The following TTN variants were observed in gnomAD, a reference collection of about 807,000 sequenced individuals.
TTN encodes titin.
TTN carries 1,525 observed loss-of-function variants against 3,223.0 expected under a neutral mutation model. That is an observed-to-expected ratio of 0.47 (90% CI 0.45 to 0.49). TTN has a LOEUF of 0.49. Among genes scored for constraint, TTN ranks in the 20% least tolerant of loss-of-function variants. TTN has a pLI of 0.00. For synonymous variants in TTN, 14,094 were observed against 15,161.0 expected, an observed-to-expected ratio of 0.93 and a Z score of 5.17; for missense variants, 40,786 against 43,424.0, an observed-to-expected ratio of 0.94 and a Z score of 5.40.
At chr2:178,629,231 G>T in intron 240 of TTN, 70 bp downstream of exon 240, 1 of 1,554,248 alleles carries the variant, frequency 6.4e-7, no homozygotes, top group South Asian at 1.2e-5. Context: ...CAAAGAATAA[G>T]GAACATACAA....
At chr2:178,685,923 T>A (rs1289795979) in intron 127 of TTN, among the ~76,000 whole-genome samples, 2 of 152,014 alleles carry the variant, frequency 1.3e-5, no homozygotes, top group Non-Finnish European at 2.9e-5. Flanking sequence ...ACAGAAGAAT[T>A]TGAAGATGAG....
chr2:178,559,146 C>T (rs1446861409), intron 326 of TTN, among the ~76,000 whole-genome samples, 165 bp downstream of exon 326: 2 of 151,974 alleles, frequency 1.3e-5, no homozygotes, highest in East Asian at 3.9e-4. Context: ...CAATGAAAGA[C>T]TCTTCACTAG....
intron 147 of TTN, among the ~76,000 whole-genome samples, chr2:178,676,299 T>C (rs895572183): frequency 6.6e-6 from 1 of 151,938 alleles, no homozygotes; most frequent in Admixed American, 6.6e-5. Flanking sequence ...TTCATACATT[T>C]AAATTTCACT....
At chr2:178,617,299 T>G (rs1576500581) in intron 254 of TTN, 26 bp downstream of exon 254, 1 of 1,545,826 alleles carries the variant, frequency 6.5e-7, no homozygotes, top group Non-Finnish European at 8.7e-7. Flanking sequence ...ACATTGAATA[T>G]TCTTTTTTAT....
chr2:178,608,441 T>C lies in TTN; in HGVS notation c.52442A>G (p.Asp17481Gly), dbSNP rs773362408. ...CACTAGCATACTGTTGCTGGTAACATCTTCCACAATGGGCTTATCTGGTGC... is the reference window on the plus strand; with the variant it reads ...CACTAGCATACTGTTGCTGGTAACACCTTCCACAATGGGCTTATCTGGTGC... ...PDAPDKPIVE[D>G]VTSNSMLVKW... Residue 17481 changes from aspartate to glycine, a missense_variant, in exon 275 of 363, where the codon GAT becomes GGT. By Grantham distance (94) the Asp-to-Gly change is moderately conservative. Coordinates refer to ENST00000589042, the MANE Select transcript of TTN (RefSeq NM_001267550.2). 5 of 1,607,184 alleles carry C rather than the reference T, an allele frequency of 3.1e-6. No homozygotes were observed. The South Asian group carries it at 5.6e-5, about 18-fold the overall frequency.
At chr2:178,792,236 T>A (rs72647855) in intron 9 of TTN, 39 bp from the exon 10 acceptor site, 2 of 1,578,154 alleles carry the variant, frequency 1.3e-6, no homozygotes, top group South Asian at 1.2e-5. Context: ...TATTTCCTGA[T>A]GCCCAATGAA....
rs765530283 is a variant in TTN, at chr2:178,734,436, C to T, written c.15388G>A (p.Val5130Met). 9 of 1,613,640 alleles carry T rather than the reference C, an allele frequency of 5.6e-6. No homozygotes were observed. The Admixed American group carries it at 6.7e-5, about 12-fold the overall frequency. Residue 5130 changes from valine to methionine, a missense_variant, in exon 52 of 363, where the codon GTG (valine) becomes ATG (methionine). Physicochemically the swap from Val to Met is conservative, Grantham distance 21. Transcript: ENST00000589042. ...TTAAACGAAAAGATCTCCAGACACA[C>T]AAGAGACTTCTGAGAAAACAATCTG... ...KYRLFSQKSL[V>M]CLEIFSFNSA... is the part of the protein sequence containing the mutation.
Position 178,553,154 on chromosome 2 carries a change from T to C in TTN, c.89746A>G (p.Asn29916Asp), listed in dbSNP as rs1308602245. The C allele has an allele frequency of 6.2e-7, 1 of 1,613,328 alleles. No homozygotes were observed. The highest frequency in any genetic ancestry group is 1.7e-5 in the Admixed American group (1 of 60,016). ...GAAGACTTAGGTTCACCAACTCCAT[T>C]TTCTATTGTGAGAATATATTTTCCT... ...DTGKYILTIE[N>D]GVGEPKSSTV... Residue 29916 changes from asparagine (N) to aspartate (D), a missense_variant, in exon 335 of 363, where the codon AAT becomes GAT. Transcript: ENST00000589042.
intron 356 of TTN, 112 bp from the exon 357 acceptor site, chr2:178,536,687 T>A: frequency 1.0e-6 from 1 of 988,662 alleles, no homozygotes; most frequent in Non-Finnish European, 1.4e-6. Context: ...AAAAAATAGC[T>A]ATTCCAGAAA....
chr2:178,534,651 C>T lies in TTN; in HGVS notation c.101964G>A (p.Gln33988=). Residue 33988 remains glutamine (Q), a synonymous_variant, in exon 358 of 363, where the codon CAG becomes CAA. Transcript: ENST00000589042. Reference sequence around the variant, plus strand: ...CTGTGGCTGTGCTGACAACATCATGCTGGTGGACTTCAGGTGCATAGTATT... The same window carrying T: ...CTGTGGCTGTGCTGACAACATCATGTTGGTGGACTTCAGGTGCATAGTATT... ...APEYYAPEVH[Q]HDVVSTATDM... 6.2e-7 allele frequency: 1 copy of T among 1,613,606 alleles called. No homozygotes were observed. Among genetic ancestry groups the T allele is most frequent in the Non-Finnish European group, 8.5e-7 (1 of 1,179,578 alleles).
At chr2:178,635,857 C>T in intron 226 of TTN, 106 bp downstream of exon 226, 1 of 1,515,924 alleles carries the variant, frequency 6.6e-7, no homozygotes, top group South Asian at 1.3e-5. Flanking sequence ...TTATTCCCCT[C>T]TTAGGTACAA....
intron 158 of TTN, 68 bp from the exon 159 acceptor site, chr2:178,669,515 T>C (rs1560235389): frequency 6.3e-7 from 1 of 1,589,372 alleles, no homozygotes. Context: ...AAGGATTTAA[T>C]GTCACACACA....
chr2:178,764,782 G>C lies in TTN; in HGVS notation c.9733C>G (p.Leu3245Val), dbSNP rs752456528. The C allele has an allele frequency of 1.2e-6, 2 of 1,613,530 alleles. No homozygotes were observed. Among genetic ancestry groups the C allele is most frequent in the Non-Finnish European group, 1.7e-6 (2 of 1,179,912 alleles). Residue 3245 changes from leucine to valine, a missense_variant, in exon 42 of 363, where the codon CTC becomes GTC. Leu to Val is a conservative substitution (Grantham distance 32, BLOSUM62 1). Coordinates refer to ENST00000589042, the MANE Select transcript of TTN (RefSeq NM_001267550.2). Reference sequence around the variant, plus strand: ...CCAGACTGCACAGTGACAGGCTGGAGCTCCTGCAGAACTTGGGGCGGTTCA... The same window carrying C: ...CCAGACTGCACAGTGACAGGCTGGACCTCCTGCAGAACTTGGGGCGGTTCA... ...APEPPQVLQE[L>V]QPVTVQSGKP...
chr2:178,577,826 T>A lies in TTN; in HGVS notation c.68600A>T (p.Tyr22867Phe), dbSNP rs1397080164. 1 of 1,611,408 alleles carries A rather than the reference T, an allele frequency of 6.2e-7. No individual in the cohort carries two copies. The highest frequency in any genetic ancestry group is 1.3e-5 in the African/African-American group (1 of 74,962). Residue 22867 changes from tyrosine (Y) to phenylalanine (F), a missense_variant, in exon 323 of 363, where the codon TAT (tyrosine) becomes TTT (phenylalanine). By Grantham distance (22) the Tyr-to-Phe change is conservative (BLOSUM62 3). Transcript: ENST00000589042. ...TCCAGTTAACTTATGACCACCGTCA[T>A]ATTTAGGTTCAGTCCAAATGAGAGT... ...SVTLIWTEPK[Y>F]DGGHKLTGYI...
At position 178,584,477 on chromosome 2, in the gene TTN, T is replaced by C. The variant is rs758476009; in HGVS notation, c.65074A>G (p.Ile21692Val). 1.1e-4 allele frequency: 171 copies of C among 1,613,144 alleles called. 1 individual carries two copies. The highest frequency in any genetic ancestry group is 9.8e-5 in the Non-Finnish European group (116 of 1,179,534). ...RPDSDGGSPI[I>V]GYLIERKERN... ...TCCTTGCGTTCAATCAGATAACCAA[T>C]AATGGGGCTCCCTCCATCACTATCT... Residue 21692 changes from isoleucine to valine, a missense_variant, in exon 311 of 363, where the codon ATT becomes GTT. Ile to Val is a conservative substitution (Grantham distance 29). Coordinates refer to ENST00000589042, the MANE Select transcript of TTN (RefSeq NM_001267550.2).
intron 321 of TTN, 148 bp downstream of exon 321, chr2:178,578,463 A>C: frequency 1.6e-6 from 1 of 616,794 alleles, no homozygotes; most frequent in Non-Finnish European, 2.8e-6. Flanking sequence ...TTTCAATAAA[A>C]TTAAACATTA....
rs747021593 is a variant in TTN, at chr2:178,563,017, G to A, written c.83115C>T (p.Pro27705=). 41 of 1,613,414 alleles carry A rather than the reference G, an allele frequency of 2.5e-5. No individual in the cohort carries two copies. Among genetic ancestry groups the A allele is most frequent in the East Asian group, 1.6e-4 (7 of 44,848 alleles). Residue 27705 remains proline (P), a synonymous_variant, in exon 326 of 363, where the codon CCC becomes CCT. Transcript: ENST00000589042. This position sits in a 1 kb window ranked among gnomAD's most constrained non-coding sequence, Gnocchi z 4.5. ...LFVTIKGRPE[P]EVKWEKAEGI... ...CTTCTGCCTTTTCCCATTTAACTTCGGGTTCTGGTCGACCTTTGATAGTGA... is the reference window on the plus strand; with the variant it reads ...CTTCTGCCTTTTCCCATTTAACTTCAGGTTCTGGTCGACCTTTGATAGTGA...
chr2:178,680,250 G>A lies in TTN; in HGVS notation c.33418+4C>T. On this transcript the variant is annotated splice_donor_region_variant and intron_variant, in intron 139 of 362. Transcript: ENST00000589042. ...AAAACATTAAAATGAGTGCCATTAG[G>A]TACCTCTAACAGGTGGTGCTACTTC... 6.2e-7 allele frequency: 1 copy of A among 1,612,088 alleles called. No homozygotes were observed. The highest frequency in any genetic ancestry group is 1.3e-5 in the African/African-American group (1 of 74,850).
Position 178,549,128 on chromosome 2 carries a change from G to A in TTN, c.92498C>T (p.Thr30833Ile), listed in dbSNP as rs727505334. The change falls in exon 339 of 363, where the codon ACA (threonine) becomes ATA (isoleucine). Residue 30833 changes from threonine to isoleucine, a missense_variant. Thr to Ile is a moderately conservative substitution (Grantham distance 89). Coordinates refer to ENST00000589042, the MANE Select transcript of TTN (RefSeq NM_001267550.2). ...TTCTAAGCTCACAGTTGTCTTTGAT[G>A]TGTCTGTTACTTTGACCACTGTGGG... is the stretch of plus-strand genomic sequence containing the variant. ...GPPTVVKVTD[T>I]SKTTVSLEWS... 1 of 1,613,870 alleles carries A rather than the reference G, an allele frequency of 6.2e-7. No homozygotes were observed. Among genetic ancestry groups the A allele is most frequent in the East Asian group, 2.2e-5 (1 of 44,862 alleles).
Sources: gnomAD v4.1 joint callset for allele counts (sites outside exome capture counted in the v4.1 genomes callset) on GRCh38, gnomAD v4.1.1 for gene constraint, Gnocchi (gnomAD v3.1) non-coding constraint, MANE v1.5 for transcripts, NCBI Gene and HGNC (gene_info 2026-07-23, HGNC 2026-07-21) for gene names.